PYCR2: variants seen among roughly 807,000 people sequenced by gnomAD.
PYCR2 encodes P5C reductase 2.
Under a neutral mutation model 23.4 loss-of-function variants are expected in PYCR2, and 17 were observed. The ratio of observed to expected loss-of-function variants is 0.73; its 90% CI spans 0.50 to 1.09. The LOEUF (loss-of-function observed/expected upper bound fraction) is 1.09. Among genes scored for constraint, PYCR2 ranks in the 50% least tolerant of loss-of-function variants. PYCR2 has a pLI of 0.00. For synonymous variants in PYCR2, 172 were observed against 176.6 expected (o/e 0.97, Z 0.21); for missense variants, 380 against 423.5 (o/e 0.90, Z 0.90).
In PYCR2 at chr1:225,920,625, A is replaced by G; in HGVS notation, c.798-5T>C. 6.2e-7 allele frequency: 1 copy of G among 1,613,256 alleles called. No individual in the cohort carries two copies. The highest frequency in any genetic ancestry group is 8.5e-7 in the Non-Finnish European group (1 of 1,179,264). ...TCGGCCATGGACTGTAGCTCTCTGCAGACAAAACCCCAGAAGGATTAAAGG... is the reference window on the plus strand; with the variant it reads ...TCGGCCATGGACTGTAGCTCTCTGCGGACAAAACCCCAGAAGGATTAAAGG... On this transcript the variant is annotated splice_region_variant and splice_polypyrimidine_tract_variant and intron_variant, in intron 6 of 6. Coordinates refer to ENST00000343818, the MANE Select transcript of PYCR2 (RefSeq NM_013328.4).
intron 6 of PYCR2, 58 bp from the exon 7 acceptor site, chr1:225,920,678 T>C: frequency 6.4e-7 from 1 of 1,559,706 alleles, no homozygotes; most frequent in Non-Finnish European, 8.8e-7. Flanking sequence ...GGCCAGAGCT[T>C]TGAGTCTCCA....
intron 2 of PYCR2, 48 bp from the exon 3 acceptor site, chr1:225,922,431 GC>G (rs1303500632): frequency 3.2e-6 from 5 of 1,574,924 alleles, no homozygotes; most frequent in Non-Finnish European, 4.3e-6. Flanking sequence ...GCCTGGCTAT[GC>G]CAAGGCCTCC....
Position 225,921,704 on chromosome 1 carries a change from G to C in PYCR2, c.541-60C>G, listed in dbSNP as rs1671845559. ...CACTGAAGGGCCTTTCCTTAGGTCT[G>C]CTTTCTGATGACTAGAACTAGCTCC... On this transcript the variant is annotated intron_variant, in intron 4 of 6. Coordinates refer to ENST00000343818, the MANE Select transcript of PYCR2 (RefSeq NM_013328.4). This position sits in a 1 kb window ranked among gnomAD's most constrained non-coding sequence, Gnocchi z 4.2. 6 of 1,597,932 alleles carry C rather than the reference G, an allele frequency of 3.8e-6. No homozygotes were observed. The East Asian group carries it at 1.3e-4, about 36-fold the overall frequency.
rs1671796321 is a variant in PYCR2 at position 225,919,998 on chromosome 1, T to C, written c.*457A>G. ...CCAGTCTAATCCTGTACACTTGTGA[T>C]TAATTGTGACAATCTTAAGTTGCTC... On this transcript the variant is annotated 3_prime_UTR_variant, in exon 7 of 7. Coordinates refer to ENST00000343818, the MANE Select transcript of PYCR2 (RefSeq NM_013328.4). 6.5e-6 allele frequency: 1 copy of C among 154,288 alleles called. No homozygotes were observed. 9.6% of individuals were successfully genotyped at this position (154,288 alleles called of 1,614,324 possible).
At chr1:225,923,176 A>T (rs1323550210) in intron 2 of PYCR2, 1 of 379,790 alleles carries the variant, frequency 2.6e-6, no homozygotes, top group Non-Finnish European at 3.6e-6. Context: ...TTGGGAGGCC[A>T]AGGCGGGCAG....
In PYCR2 at chr1:225,920,564, GTCT is replaced by G; in HGVS notation, c.851_853del (p.Lys284del). Reference sequence around the variant, plus strand: ...TTCCAGCTTCACTCTGTCTAAGAGGGTCTTCTTAAGGGCAGCTGGGGAGATCTT... The same window carrying G: ...TTCCAGCTTCACTCTGTCTAAGAGGGTCTTAAGGGCAGCTGGGGAGATCTT... On this transcript the variant is annotated inframe_deletion, in exon 7 of 7. Transcript: ENST00000343818. 1 of 1,609,886 alleles carries G rather than the reference GTCT, an allele frequency of 6.2e-7. No individual in the cohort carries two copies.
At position 225,922,004 on chromosome 1, in the gene PYCR2, C is replaced by T. The variant is rs1379912843; in HGVS notation, c.394G>A (p.Ala132Thr). The T allele has an allele frequency of 3.7e-6, 6 of 1,614,056 alleles. No homozygotes were observed. The highest frequency in any genetic ancestry group is 2.2e-5 in the East Asian group (1 of 44,904). ...TGGGTGCCCGTGGCGTACACTGTAGCGCCTTCCTGCACTACCACAGGTGTG... is the reference window on the plus strand; with the variant it reads ...TGGGTGCCCGTGGCGTACACTGTAGTGCCTTCCTGCACTACCACAGGTGTG... ...TNTPVVVQEG[A>T]TVYATGTHAL... Residue 132 changes from alanine (A) to threonine (T), a missense_variant, in exon 4 of 7, where the codon GCT becomes ACT. By Grantham distance (58) the Ala-to-Thr change is moderately conservative (BLOSUM62 0). Transcript: ENST00000343818.
Position 225,921,726 on chromosome 1 carries a change from C to T in PYCR2, c.541-82G>A. 1.3e-6 allele frequency: 2 copies of T among 1,587,810 alleles called. No homozygotes were observed. The highest frequency in any genetic ancestry group is 2.2e-5 in the South Asian group (2 of 90,314). ...TCTGCTTTCTGATGACTAGAACTAG[C>T]TCCAAGGGTCAGCATCCTGTACCAG... On this transcript the variant is annotated intron_variant, in intron 4 of 6. Transcript: ENST00000343818. This position sits in a 1 kb window ranked among gnomAD's most constrained non-coding sequence, Gnocchi z 4.2.
chr1:225,924,077 C>T lies in PYCR2; in HGVS notation c.34G>A (p.Ala12Thr), dbSNP rs1671927420. The change falls in exon 1 of 7, where the codon GCC becomes ACC. Residue 12 changes from alanine (A) to threonine (T), a missense_variant. Ala to Thr is a moderately conservative substitution (Grantham distance 58). Transcript: ENST00000343818. ...SVGFIGAGQL[A>T]YALARGFTAA... ...GTGAAGCCCCGCGCCAGAGCATAGGCCAGCTGGCCGGCCCCGATGAAGCCC... is the reference window on the plus strand; with the variant it reads ...GTGAAGCCCCGCGCCAGAGCATAGGTCAGCTGGCCGGCCCCGATGAAGCCC... 4 of 1,545,480 alleles carry T rather than the reference C, an allele frequency of 2.6e-6. No homozygotes were observed.
chr1:225,920,651 A>C (rs1195375075), intron 6 of PYCR2, 31 bp from the exon 7 acceptor site: 6 of 1,604,482 alleles, frequency 3.7e-6, no homozygotes, highest in Admixed American at 1.7e-5. Context: ...GGATTAAAGG[A>C]AGGCAATAAA....
At position 225,924,124 on chromosome 1, in the gene PYCR2, C is replaced by G; in HGVS notation, c.-14G>C. The G allele has an allele frequency of 6.5e-7, 1 of 1,539,900 alleles. No homozygotes were observed. The highest frequency in any genetic ancestry group is 8.7e-7 in the Non-Finnish European group (1 of 1,145,442). On this transcript the variant is annotated 5_prime_UTR_variant, in exon 1 of 7. Transcript: ENST00000343818. The stretch of plus-strand genomic sequence containing the variant: ...GCCCACGCTCATGGTCCGCGGTTCA[C>G]GCCTCCTGGGAGCCGCACGAACCCC...
Position 225,921,453 on chromosome 1 carries a change from C to G in PYCR2, c.634-82G>C. 1 of 1,542,998 alleles carries G rather than the reference C, an allele frequency of 6.5e-7. No homozygotes were observed. On this transcript the variant is annotated intron_variant, in intron 5 of 6. Transcript: ENST00000343818. The surrounding 1 kb of genome is among the most constrained non-coding windows in gnomAD (Gnocchi z 4.2). ...CATACCCACTGCTCCTGCCCAACTG[C>G]TACCCCAGCTTCCCAACCAACTCCC...
At chr1:225,923,609 C>A in intron 2 of PYCR2, 92 bp downstream of exon 2, 1 of 1,602,312 alleles carries the variant, frequency 6.2e-7, no homozygotes, top group East Asian at 2.2e-5. Flanking sequence ...AAGACCAGCA[C>A]TTGGGCGCAG....
At chr1:225,922,103 T>C (rs766688261) in intron 3 of PYCR2, 24 bp from the exon 4 acceptor site, 16 of 1,610,624 alleles carry the variant, frequency 9.9e-6, no homozygotes, top group Non-Finnish European at 9.3e-6. Context: ...GAGAGCCGAA[T>C]GAGTGGCCAG....
In PYCR2 at chr1:225,920,060, T is replaced by C. The variant is rs1489892794; in HGVS notation, c.*395A>G. ...ATTTACCAATTCAGAGAAAGCCCGT[T>C]TCCTGTTTTCTCCTCACCACTTTGC... On this transcript the variant is annotated 3_prime_UTR_variant, in exon 7 of 7. Transcript: ENST00000343818. The C allele has an allele frequency of 6.2e-6, 1 of 160,064 alleles. No homozygotes were observed. Among genetic ancestry groups the C allele is most frequent in the Non-Finnish European group, 1.4e-5 (1 of 73,270 alleles). 9.9% of individuals were successfully genotyped at this position (160,064 alleles called of 1,614,324 possible).
intron 2 of PYCR2, 95 bp downstream of exon 2, chr1:225,923,606 G>C (rs1671909180): frequency 4.4e-6 from 7 of 1,600,696 alleles, no homozygotes; most frequent in Non-Finnish European, 5.1e-6. Flanking sequence ...CCAAAGACCA[G>C]CACTTGGGCG....
chr1:225,920,986 A>C (rs936393235), intron 6 of PYCR2, among the ~76,000 whole-genome samples: 1 of 152,210 alleles, frequency 6.6e-6, no homozygotes, highest in Non-Finnish European at 1.5e-5. Flanking sequence ...TACAAGTCAA[A>C]GTTAATCCTG....
At chr1:225,923,642 C>T in intron 2 of PYCR2, 59 bp downstream of exon 2, 2 of 1,611,778 alleles carry the variant, frequency 1.2e-6, no homozygotes, top group Non-Finnish European at 1.7e-6. Flanking sequence ...CTCACTTCAT[C>T]TCAGGTCATC....
chr1:225,924,002 C>T, intron 1 of PYCR2, 42 bp downstream of exon 1: 2 of 1,532,202 alleles, frequency 1.3e-6, no homozygotes. Context: ...CCTCGGGCCT[C>T]GGGACCGCCC....
Sources: allele counts gnomAD v4.1 joint callset (sites outside exome capture counted in the v4.1 genomes callset), GRCh38; gene constraint gnomAD v4.1.1; non-coding constraint Gnocchi (gnomAD v3.1); transcripts MANE v1.5; gene names NCBI Gene and HGNC (gene_info 2026-07-23, HGNC 2026-07-21).